ENOX2: variants seen among roughly 807,000 people sequenced by gnomAD.
ENOX2 encodes the protein ecto-NOX disulfide-thiol exchanger 2, also known as APK1 antigen.
Under a neutral mutation model 45.0 loss-of-function variants are expected in ENOX2, and 36 were observed. The ratio of observed to expected loss-of-function variants is 0.80; its 90% CI spans 0.61 to 1.06. The LOEUF is 1.06. ENOX2 is among the 50% of genes least tolerant of loss of function. The pLI is 0.00. For synonymous variants in ENOX2, 174 were observed against 152.3 expected (o/e 1.14, Z -1.05); for missense variants, 423 against 462.5 (o/e 0.91, Z 0.78).
rs777365775 is a variant in ENOX2, at chrX:130,811,873, TAAAC to T, written c.-182-28187_-182-28184del. 4.7e-4 allele frequency among the ~76,000 whole-genome samples: 53 copies of T among 111,868 alleles called. 4 individuals are homozygous for T. In the East Asian group the frequency reaches 7.3e-3, roughly 15 times the overall value. On this transcript the variant is annotated intron_variant, in intron 2 of 14. Coordinates refer to ENST00000394363, the MANE Select transcript of ENOX2 (RefSeq NM_006375.4). ...AACATTTAACAGAGATTGAAATTAT[TAAAC>T]AAACAAACAAACAAACAAATTCTGG...
intron 2 of ENOX2, among the ~76,000 whole-genome samples, chrX:130,800,030 A>G (rs1569503423): frequency 9.0e-6 from 1 of 111,461 alleles, no homozygotes; most frequent in Non-Finnish European, 1.9e-5. Context: ...CTTGCCATCA[A>G]TTAATATTAT....
chrX:130,714,110 T>C lies in ENOX2; in HGVS notation c.-38-10856A>G, dbSNP rs1052021008. ...GCTCTTGGAAGTCTGGCAAGATCTCTTGGAGGAAAAAAAACCCCACATCAG... is the reference window on the plus strand; with the variant it reads ...GCTCTTGGAAGTCTGGCAAGATCTCCTGGAGGAAAAAAAACCCCACATCAG... On this transcript the variant is annotated intron_variant, in intron 3 of 14. Coordinates refer to ENST00000394363, the MANE Select transcript of ENOX2 (RefSeq NM_006375.4). 7.2e-5 allele frequency among the ~76,000 whole-genome samples: 8 copies of C among 111,729 alleles called. No homozygotes were observed. In the South Asian group the frequency reaches 2.7e-3, roughly 37 times the overall value.
chrX:130,896,893 T>C (rs2079065016), intron 2 of ENOX2, among the ~76,000 whole-genome samples: 1 of 111,928 alleles, frequency 8.9e-6, no homozygotes, highest in Non-Finnish European at 1.9e-5. Context: ...AGATATCCTA[T>C]ATACACTCGA....
Position 130,799,320 on chromosome X carries a change from T to C in ENOX2, c.-182-15630A>G, listed in dbSNP as rs557579206. Among the ~76,000 whole-genome samples, 22 of 112,043 alleles carry C rather than the reference T, an allele frequency of 2.0e-4. No individual in the cohort carries two copies. The South Asian group carries it at 3.8e-3, about 20-fold the overall frequency. On this transcript the variant is annotated intron_variant, in intron 2 of 14. Coordinates refer to ENST00000394363, the MANE Select transcript of ENOX2 (RefSeq NM_006375.4). ...CTTATATCAGTGGTTTGCCAGGAGC[T>C]CTCAGGCCTTTGGCCACAGACTGAA...
chrX:130,742,074 T>C (rs1031524285), intron 3 of ENOX2, among the ~76,000 whole-genome samples: 1 of 110,585 alleles, frequency 9.0e-6, no homozygotes. Flanking sequence ...TCCCCTTTCT[T>C]TTTCAGAGGA....
At chrX:130,848,189 G>C (rs2078145860) in intron 2 of ENOX2, among the ~76,000 whole-genome samples, 1 of 111,466 alleles carries the variant, frequency 9.0e-6, no homozygotes. Flanking sequence ...CATATAAAGA[G>C]CCATCGTTCA....
At chrX:130,805,953 C>A (rs760941503) in intron 2 of ENOX2, among the ~76,000 whole-genome samples, 11 of 111,954 alleles carry the variant, frequency 9.8e-5, no homozygotes, top group Admixed American at 2.8e-4. Flanking sequence ...AACAAGTAAT[C>A]CATAATTTGC....
chrX:130,721,144 C>T (rs12842076), intron 3 of ENOX2, among the ~76,000 whole-genome samples: 36,619 of 109,888 alleles, frequency 0.33, 6,231 homozygotes, highest in African/African-American at 0.66. Context: ...CAAACTCCAC[C>T]GACAGGGCCT....
intron 6 of ENOX2, among the ~76,000 whole-genome samples, chrX:130,679,250 T>C (rs1222357946): frequency 2.7e-5 from 3 of 110,509 alleles, no homozygotes; most frequent in Non-Finnish European, 5.7e-5. Flanking sequence ...CTTAGTGTGG[T>C]TGGGACATGG....
At chrX:130,710,742 T>A (rs2038168411) in intron 3 of ENOX2, among the ~76,000 whole-genome samples, 1 of 111,768 alleles carries the variant, frequency 8.9e-6, no homozygotes, top group South Asian at 3.8e-4. Context: ...CCTACTCTCT[T>A]ATGCTATCGT....
At chrX:130,732,271 ATACT>A (rs1025460474) in intron 3 of ENOX2, among the ~76,000 whole-genome samples, 1 of 112,284 alleles carries the variant, frequency 8.9e-6, no homozygotes, top group Admixed American at 9.4e-5. Flanking sequence ...GGAGAATAAA[ATACT>A]TAGTAATAAA....
chrX:130,689,786 CTTTG>C lies in ENOX2; in HGVS notation c.98-772_98-769del, dbSNP rs757393470. On this transcript the variant is annotated intron_variant, in intron 4 of 14. Coordinates refer to ENST00000394363, the MANE Select transcript of ENOX2 (RefSeq NM_006375.4). ...GATTTTTTTTTTATTTTGCATTATT[CTTTG>C]TTTAATTCAGGGATGCCTCTAGCAT... is the stretch of plus-strand genomic sequence containing the variant. 1.4e-3 allele frequency among the ~76,000 whole-genome samples: 151 copies of C among 111,224 alleles called. 1 individual carries two copies. The highest frequency in any genetic ancestry group is 4.8e-3 in the African/African-American group (146 of 30,553).
At chrX:130,807,721 G>A (rs759219518) in intron 2 of ENOX2, among the ~76,000 whole-genome samples, 18 of 111,667 alleles carry the variant, frequency 1.6e-4, no homozygotes, top group Non-Finnish European at 2.8e-4. Context: ...TACAGCTTAA[G>A]TGGCAATAGG....
intron 2 of ENOX2, among the ~76,000 whole-genome samples, chrX:130,823,812 T>A: frequency 9.0e-6 from 1 of 111,254 alleles, no homozygotes; most frequent in East Asian, 2.8e-4. Flanking sequence ...TCCGAGAGCA[T>A]CTATGGGAAT....
intron 9 of ENOX2, among the ~76,000 whole-genome samples, chrX:130,663,772 C>T (rs868177090): frequency 9.0e-6 from 1 of 111,061 alleles, no homozygotes. Flanking sequence ...ATTTTTCTCT[C>T]GACTTTTATT....
At chrX:130,754,757 G>C (rs1436067904) in intron 3 of ENOX2, among the ~76,000 whole-genome samples, 1 of 110,421 alleles carries the variant, frequency 9.1e-6, no homozygotes, top group African/African-American at 3.3e-5. Context: ...GAGAGAGGAA[G>C]GGAAGCAAGG....
intron 2 of ENOX2, among the ~76,000 whole-genome samples, chrX:130,856,113 T>C (rs540434500): frequency 8.9e-6 from 1 of 112,177 alleles, no homozygotes; most frequent in Admixed American, 9.4e-5. Flanking sequence ...ATATTACTGG[T>C]GGGAATGTAA....
intron 2 of ENOX2, among the ~76,000 whole-genome samples, chrX:130,798,890 A>G (rs2077174779): frequency 8.9e-6 from 1 of 112,333 alleles, no homozygotes; most frequent in African/African-American, 3.2e-5. Flanking sequence ...AATCACACTG[A>G]ATGTGGTTTG....
chrX:130,661,282 G>A (rs932921029), intron 9 of ENOX2, among the ~76,000 whole-genome samples: 7 of 108,480 alleles, frequency 6.5e-5, no homozygotes, highest in African/African-American at 2.0e-4. Flanking sequence ...TTGACCTACT[G>A]GGCTCAAGCT....
Sources: allele counts gnomAD v4.1 joint callset (sites outside exome capture counted in the v4.1 genomes callset), GRCh38; gene constraint gnomAD v4.1.1; transcripts MANE v1.5; gene names NCBI Gene and HGNC (gene_info 2026-07-23, HGNC 2026-07-21).